Variants in MECOM observed in about 807,000 individuals in gnomAD.
MECOM encodes the protein histone-lysine N-methyltransferase MECOM.
Under a neutral mutation model 116.3 loss-of-function variants are expected in MECOM, and 13 were observed. The ratio of observed to expected loss-of-function variants is 0.11; its 90% CI spans 0.07 to 0.18. The LOEUF is 0.18. Ranked by LOEUF, MECOM falls within the 10% of genes least tolerant of loss-of-function variation. MECOM has a pLI of 1.00. For missense variants in MECOM, 1,299 were observed against 1,509.0 expected (o/e 0.86, Z 2.31); for synonymous variants, 528 against 535.2 (o/e 0.99, Z 0.19).
chr3:169,094,803 G>A (rs1278515570), intron 13 of MECOM, among the ~76,000 whole-genome samples: 1 of 152,180 alleles, frequency 6.6e-6, no homozygotes, highest in Non-Finnish European at 1.5e-5. Flanking sequence ...TGTTTCATAA[G>A]TCTCCTGCGA....
chr3:169,576,481 T>C (rs1310905757), intron 1 of MECOM, among the ~76,000 whole-genome samples: 1 of 152,148 alleles, frequency 6.6e-6, no homozygotes, highest in African/African-American at 2.4e-5. Context: ...GGAATTTTTA[T>C]TCAGCCAGCG....
rs1560196846 is a variant in MECOM at position 169,378,457 on chromosome 3, GCA to G, written c.375+2728_375+2729del. ...AGAAAGAAAGAAAGAAAGAAGGAAA[GCA>G]AGCAAGCAAGCAAGCAAGAAAGAGA... On this transcript the variant is annotated intron_variant, in intron 2 of 16. Transcript: ENST00000651503. Among the ~76,000 whole-genome samples, 208 of 60,806 alleles carry G rather than the reference GCA, an allele frequency of 3.4e-3. 3 individuals carry two copies. The highest frequency in any genetic ancestry group is 4.5e-3 in the African/African-American group (45 of 9,946). The allele number at this position is 60,806 out of a possible 152,430, so 39.9% of individuals were successfully genotyped here.
In MECOM at chr3:169,611,235, C is replaced by A. The variant is rs77060264; in HGVS notation, c.37+52101G>T. The stretch of plus-strand genomic sequence containing the variant: ...TCTATGATAGGCATTTGCAAATTCA[C>A]CAAGAGTGACAGATAGTGCCTCGGG... On this transcript the variant is annotated intron_variant, in intron 1 of 16. Coordinates refer to ENST00000651503, the MANE Select transcript of MECOM (RefSeq NM_004991.4). This position sits in a 1 kb window ranked among gnomAD's most constrained non-coding sequence, Gnocchi z 4.1. Among the ~76,000 whole-genome samples, 6 of 152,338 alleles carry A rather than the reference C, an allele frequency of 3.9e-5. No individual in the cohort carries two copies. The highest frequency in any genetic ancestry group is 3.9e-4 in the Admixed American group (6 of 15,310).
At chr3:169,606,570 A>G (rs1373619746) in intron 1 of MECOM, among the ~76,000 whole-genome samples, 2 of 152,194 alleles carry the variant, frequency 1.3e-5, no homozygotes, top group Non-Finnish European at 2.9e-5. Flanking sequence ...AAACAAAACC[A>G]CCGCAAAGTA....
At chr3:169,414,741 T>C (rs1738229440) in intron 1 of MECOM, among the ~76,000 whole-genome samples, 1 of 151,986 alleles carries the variant, frequency 6.6e-6, no homozygotes, top group South Asian at 2.1e-4. Flanking sequence ...GAAGCATACA[T>C]AGTATCAATA....
intron 1 of MECOM, among the ~76,000 whole-genome samples, chr3:169,557,189 A>G (rs541786388): frequency 4.2e-4 from 64 of 152,158 alleles, no homozygotes; most frequent in Non-Finnish European, 8.5e-4. Flanking sequence ...TACAGATAGC[A>G]AGGGAATGTG....
At chr3:169,326,719 C>T (rs373293762) in intron 2 of MECOM, among the ~76,000 whole-genome samples, 9 of 152,228 alleles carry the variant, frequency 5.9e-5, no homozygotes, top group African/African-American at 1.7e-4. Context: ...CACCTTCAAA[C>T]GGACAGTAAA....
At chr3:169,284,868 A>G (rs952012673) in intron 2 of MECOM, among the ~76,000 whole-genome samples, 2 of 152,142 alleles carry the variant, frequency 1.3e-5, no homozygotes, top group Admixed American at 1.3e-4. Context: ...TTACATGTAT[A>G]TAAGACACCA....
intron 2 of MECOM, among the ~76,000 whole-genome samples, chr3:169,354,319 A>G (rs569663004): frequency 1.3e-5 from 2 of 152,000 alleles, no homozygotes; most frequent in East Asian, 3.9e-4. Context: ...AGAACATGTT[A>G]AATCTCAAAA....
chr3:169,565,570 C>T (rs1315024916), intron 1 of MECOM, among the ~76,000 whole-genome samples: 2 of 152,154 alleles, frequency 1.3e-5, no homozygotes, highest in Non-Finnish European at 2.9e-5. Flanking sequence ...AAATACTGCC[C>T]AGCCATGGCT....
intron 1 of MECOM, among the ~76,000 whole-genome samples, chr3:169,456,326 A>G (rs1188356018): frequency 6.6e-6 from 1 of 152,156 alleles, no homozygotes. Context: ...AGTGAAAGTG[A>G]TCATTGTCAC....
intron 1 of MECOM, among the ~76,000 whole-genome samples, chr3:169,662,548 G>A (rs2110148672): frequency 6.6e-6 from 1 of 152,066 alleles, no homozygotes; most frequent in Middle Eastern, 3.5e-3. Context: ...GCTGTGCGGA[G>A]CCGGTAGCTC....
At chr3:169,288,242 AT>A (rs1452645135) in intron 2 of MECOM, among the ~76,000 whole-genome samples, 1 of 151,856 alleles carries the variant, frequency 6.6e-6, no homozygotes. Context: ...AAAAAAAAAA[AT>A]CTTGATAATT....
chr3:169,361,313 G>T (rs1035475351), intron 2 of MECOM, among the ~76,000 whole-genome samples: 3 of 151,794 alleles, frequency 2.0e-5, no homozygotes, highest in Non-Finnish European at 4.4e-5. Context: ...AATATGTTAG[G>T]TCTAGTGAAG....
At chr3:169,135,032 T>C (rs1006859899) in intron 3 of MECOM, among the ~76,000 whole-genome samples, 6 of 151,060 alleles carry the variant, frequency 4.0e-5, no homozygotes, top group Admixed American at 2.7e-4. Context: ...ATAAGTATGT[T>C]TGACCATGCT....
chr3:169,373,815 A>G (rs1408057832), intron 2 of MECOM, among the ~76,000 whole-genome samples: 1 of 151,982 alleles, frequency 6.6e-6, no homozygotes, highest in East Asian at 1.9e-4. Context: ...TTGTCCATGG[A>G]CTACTTCAGC....
intron 1 of MECOM, among the ~76,000 whole-genome samples, chr3:169,628,625 A>C (rs142160114): frequency 2.6e-5 from 4 of 152,210 alleles, no homozygotes. Context: ...ACTCCAAAGC[A>C]TCTCAGGGGA....
In MECOM at chr3:169,288,056, G is replaced by A. The variant is rs77558310; in HGVS notation, c.375+93131C>T. Among the ~76,000 whole-genome samples the A allele has an allele frequency of 6.9e-3, 1,050 of 152,246 alleles. 14 individuals carry two copies. The highest frequency in any genetic ancestry group is 0.024 in the African/African-American group (988 of 41,544). ...AAATATATTTATTCATCAGCAGCCA[G>A]CATGTCACTGCTACCTCAGTGGTGA... On this transcript the variant is annotated intron_variant, in intron 2 of 16. Transcript: ENST00000651503.
chr3:169,222,045 G>A lies in MECOM; in HGVS notation c.376-78213C>T, dbSNP rs142289243. ...ATTACTTAAAATTATCATTTCCGTA[G>A]ATCACTAGCTATGTTTCAAGTGCTC... On this transcript the variant is annotated intron_variant, in intron 2 of 16. Transcript: ENST00000651503. Among the ~76,000 whole-genome samples, 198 of 152,168 alleles carry A rather than the reference G, an allele frequency of 1.3e-3. 1 individual carries two copies. Among genetic ancestry groups the A allele is most frequent in the African/African-American group, 4.6e-3 (190 of 41,528 alleles).
Sources: allele counts gnomAD v4.1 joint callset (sites outside exome capture counted in the v4.1 genomes callset), GRCh38; gene constraint gnomAD v4.1.1; non-coding constraint Gnocchi (gnomAD v3.1); transcripts MANE v1.5; gene names NCBI Gene and HGNC (gene_info 2026-07-23, HGNC 2026-07-21).